Variants in CLPB observed in about 807,000 individuals in gnomAD.
CLPB encodes mitochondrial disaggregase.
A neutral mutation model predicts 78.4 loss-of-function variants in CLPB; 40 were observed. That is an observed-to-expected ratio of 0.51 (90% CI 0.40 to 0.66). The LOEUF is 0.66. Among genes scored for constraint, CLPB ranks in the 30% least tolerant of loss-of-function variants. CLPB has a pLI of 0.00. For synonymous variants in CLPB, 333 were observed against 348.0 expected, an observed-to-expected ratio of 0.96 and a Z score of 0.48; for missense variants, 780 against 886.9, an observed-to-expected ratio of 0.88 and a Z score of 1.53.
At chr11:72,399,822 C>A (rs766646789) in intron 3 of CLPB, among the ~76,000 whole-genome samples, 2 of 152,144 alleles carry the variant, frequency 1.3e-5, no homozygotes, top group Non-Finnish European at 2.9e-5. Context: ...GCATTTCAGG[C>A]CTGACCAATA....
At chr11:72,300,745 C>G (rs1949640773) in intron 11 of CLPB, among the ~76,000 whole-genome samples, 1 of 152,142 alleles carries the variant, frequency 6.6e-6, no homozygotes. Context: ...CTGCAGGAGA[C>G]TAGGTAGAAA....
At chr11:72,336,587 T>G (rs1950326543) in intron 5 of CLPB, 1 of 152,528 alleles carries the variant, frequency 6.6e-6, no homozygotes, top group South Asian at 2.1e-4. Context: ...GTGTACAATG[T>G]TCTTTGTAAT....
intron 9 of CLPB, among the ~76,000 whole-genome samples, chr11:72,306,735 C>T (rs1949751825): frequency 6.6e-6 from 1 of 152,244 alleles, no homozygotes; most frequent in African/African-American, 2.4e-5. Context: ...CACTTGTTTT[C>T]TCCTACAGCC....
At chr11:72,428,276 A>G (rs2135160971) in intron 2 of CLPB, among the ~76,000 whole-genome samples, 1 of 152,238 alleles carries the variant, frequency 6.6e-6, no homozygotes, top group East Asian at 1.9e-4. Flanking sequence ...CTCTTAACAG[A>G]TCGGCCCTCA....
chr11:72,343,472 C>T (rs1315102594), intron 5 of CLPB, among the ~76,000 whole-genome samples: 1 of 152,188 alleles, frequency 6.6e-6, no homozygotes, highest in African/African-American at 2.4e-5. Flanking sequence ...TCATCTCCCT[C>T]ATAAAACATT....
chr11:72,340,084 C>A (rs1950391920), intron 5 of CLPB, among the ~76,000 whole-genome samples: 2 of 152,164 alleles, frequency 1.3e-5, no homozygotes, highest in Non-Finnish European at 2.9e-5. Context: ...AGCAGGGCTA[C>A]CCAAGTCTCC....
At chr11:72,396,695 A>G (rs762174059) in intron 3 of CLPB, among the ~76,000 whole-genome samples, 28 of 152,236 alleles carry the variant, frequency 1.8e-4, no homozygotes, top group Non-Finnish European at 1.5e-4. Flanking sequence ...CATCACTGAT[A>G]GTATGAATTG....
chr11:72,404,165 A>G (rs1320916209), intron 2 of CLPB, among the ~76,000 whole-genome samples: 1 of 152,180 alleles, frequency 6.6e-6, no homozygotes, highest in Non-Finnish European at 1.5e-5. Flanking sequence ...CAAACACTAC[A>G]CTGATGTCAG....
chr11:72,391,271 T>C (rs963276297), intron 3 of CLPB, among the ~76,000 whole-genome samples: 1 of 152,208 alleles, frequency 6.6e-6, no homozygotes, highest in African/African-American at 2.4e-5. Flanking sequence ...TTGGTGTTCA[T>C]TCACCTTCAG....
intron 4 of CLPB, among the ~76,000 whole-genome samples, chr11:72,360,813 A>T (rs1462446406): frequency 6.6e-6 from 1 of 152,214 alleles, no homozygotes; most frequent in African/African-American, 2.4e-5. Flanking sequence ...CTTAATTCTC[A>T]TAATTACCTT....
intron 5 of CLPB, among the ~76,000 whole-genome samples, chr11:72,340,933 C>T (rs1303045613): frequency 6.6e-6 from 1 of 152,186 alleles, no homozygotes; most frequent in Non-Finnish European, 1.5e-5. Context: ...TCACTGCAAG[C>T]TCCATCTCCT....
chr11:72,323,427 C>T (rs1351313065), intron 6 of CLPB, among the ~76,000 whole-genome samples: 1 of 151,882 alleles, frequency 6.6e-6, no homozygotes, highest in African/African-American at 2.4e-5. Context: ...ATTAGCTGGG[C>T]GTGGTGGTGG....
Position 72,290,701 on chromosome 11 carries a change from T to C in CLPB, c.*2666A>G, listed in dbSNP as rs1037444318. The C allele has an allele frequency of 9.9e-5, 15 of 152,284 alleles. No homozygotes were observed. The highest frequency in any genetic ancestry group is 7.8e-4 in the Admixed American group (12 of 15,296). 9.4% of individuals were successfully genotyped at this position (152,284 alleles called of 1,614,324 possible). A position where few individuals can be genotyped will look rare whatever the true frequency, so the allele number is the denominator to read the frequency against. ...GCTCATGCCTGTAATCTCAGCACTT[T>C]GGGAGGCCGAGGTGGGTGGATCACC... On this transcript the variant is annotated 3_prime_UTR_variant, in exon 16 of 16. Coordinates refer to ENST00000538039, the MANE Select transcript of CLPB (RefSeq NM_001258392.3).
intron 2 of CLPB, among the ~76,000 whole-genome samples, chr11:72,426,734 A>G (rs2135156131): frequency 6.6e-6 from 1 of 152,368 alleles, no homozygotes; most frequent in South Asian, 2.1e-4. Flanking sequence ...AAAAGACGGT[A>G]GAGAACACAA....
chr11:72,316,115 C>T (rs1228924728), intron 7 of CLPB, among the ~76,000 whole-genome samples: 1 of 152,174 alleles, frequency 6.6e-6, no homozygotes, highest in Non-Finnish European at 1.5e-5. Context: ...TTAAAAAGCA[C>T]CAACCCCTCA....
At chr11:72,297,705 C>G (rs1196570002) in intron 11 of CLPB, among the ~76,000 whole-genome samples, 5 of 94,292 alleles carry the variant, frequency 5.3e-5, no homozygotes, top group Admixed American at 1.1e-4. Context: ...GTGTGTGTGA[C>G]ATGTCCAAGC....
intron 11 of CLPB, among the ~76,000 whole-genome samples, chr11:72,297,253 C>G (rs762776752): frequency 1.3e-5 from 2 of 152,210 alleles, no homozygotes; most frequent in Non-Finnish European, 2.9e-5. Flanking sequence ...GGGCCCTGCC[C>G]GAGCTTCAGG....
chr11:72,308,564 G>A lies in CLPB; in HGVS notation c.1029C>T (p.His343=), dbSNP rs774851760. The A allele has an allele frequency of 3.7e-6, 6 of 1,614,164 alleles. No individual in the cohort carries two copies. The highest frequency in any genetic ancestry group is 5.1e-6 in the Non-Finnish European group (6 of 1,180,002). ...RKENGWYDEE[H]PLVFLFLGSS... The stretch of plus-strand genomic sequence containing the variant: ...ATCCCAAGAAGAGGAAGACCAGAGG[G>A]TGTTCTTCATCGTACCAGCCATTCT... The change falls in exon 8 of 16, where the codon CAC becomes CAT. Residue 343 remains histidine, a synonymous_variant. Transcript: ENST00000538039.
At chr11:72,338,571 C>T (rs925992142) in intron 5 of CLPB, among the ~76,000 whole-genome samples, 2 of 152,186 alleles carry the variant, frequency 1.3e-5, no homozygotes, top group Non-Finnish European at 2.9e-5. Context: ...CATCTTTGCC[C>T]ATCACTCAGA....
Sources: allele counts gnomAD v4.1 joint callset (sites outside exome capture counted in the v4.1 genomes callset), GRCh38; gene constraint gnomAD v4.1.1; transcripts MANE v1.5; gene names NCBI Gene and HGNC (gene_info 2026-07-23, HGNC 2026-07-21).